Variants in ZDHHC21 observed in about 807,000 individuals in gnomAD.
The protein encoded by ZDHHC21 is palmitoyltransferase ZDHHC21.
In ZDHHC21, 15 loss-of-function variants were observed where a neutral mutation model predicts 34.6. The ratio of observed to expected loss-of-function variants is 0.43; its 90% CI spans 0.29 to 0.67. ZDHHC21 has a LOEUF of 0.67. Ranked by LOEUF, ZDHHC21 falls within the 30% of genes least tolerant of loss-of-function variation. The pLI is 0.14. For synonymous variants in ZDHHC21, 142 were observed against 101.8 expected, an observed-to-expected ratio of 1.40 and a Z score of -2.38; for missense variants, 344 against 327.7, an observed-to-expected ratio of 1.05 and a Z score of -0.38.
chr9:14,673,419 T>C (rs1382027367), intron 4 of ZDHHC21, among the ~76,000 whole-genome samples: 1 of 151,964 alleles, frequency 6.6e-6, no homozygotes, highest in Non-Finnish European at 1.5e-5. Flanking sequence ...AGAAACTTTT[T>C]AATTTTAAAA....
intron 2 of ZDHHC21, among the ~76,000 whole-genome samples, chr9:14,686,524 G>A (rs150034682): frequency 2.6e-3 from 397 of 152,230 alleles, no homozygotes; most frequent in African/African-American, 8.6e-3. Flanking sequence ...ATTTGTGGGG[G>A]GCACAGAACC....
At chr9:14,620,918 G>A (rs921732753) in intron 8 of ZDHHC21, among the ~76,000 whole-genome samples, 5 of 151,950 alleles carry the variant, frequency 3.3e-5, no homozygotes, top group African/African-American at 1.2e-4. Flanking sequence ...ATGGTATCCA[G>A]TGACAATTGT....
At chr9:14,678,042 G>A (rs1171700363) in intron 3 of ZDHHC21, among the ~76,000 whole-genome samples, 3 of 152,022 alleles carry the variant, frequency 2.0e-5, no homozygotes, top group African/African-American at 4.8e-5. Context: ...ACTGTTCGAC[G>A]ATATTCCATC....
At position 14,614,496 on chromosome 9, in the gene ZDHHC21, CAT is replaced by C. The variant is rs1382038028; in HGVS notation, c.*4468_*4469del. Reference sequence around the variant, plus strand: ...AGCAGAAATGCTAAATACTGATTAACATATAGAATTACAACACTGGTTCAAAA... The same window carrying C: ...AGCAGAAATGCTAAATACTGATTAACATAGAATTACAACACTGGTTCAAAA... On this transcript the variant is annotated 3_prime_UTR_variant, in exon 10 of 10. Transcript: ENST00000380916. The C allele has an allele frequency of 6.6e-6, 1 of 151,688 alleles. No individual in the cohort carries two copies. The highest frequency in any genetic ancestry group is 1.9e-4 in the East Asian group (1 of 5,182). 9.4% of individuals were successfully genotyped at this position (151,688 alleles called of 1,614,324 possible). A position where few individuals can be genotyped will look rare whatever the true frequency, so the allele number is the denominator to read the frequency against.
At chr9:14,675,192 G>A (rs985793633) in intron 3 of ZDHHC21, among the ~76,000 whole-genome samples, 1 of 151,586 alleles carries the variant, frequency 6.6e-6, no homozygotes, top group Non-Finnish European at 1.5e-5. Flanking sequence ...AGACACTTAA[G>A]GACTTAAAAT....
the ZDHHC21 span, among the ~76,000 whole-genome samples, chr9:14,599,609 T>C: frequency 1.3e-4 from 20 of 152,072 alleles, no homozygotes; most frequent in Middle Eastern, 0.01. Flanking sequence ...ACAGAATTGT[T>C]CACTCCCCTG....
At chr9:14,608,541 A>G (rs2133350877), downstream of ZDHHC21, among the ~76,000 whole-genome samples, 1 of 152,274 alleles carries the variant, frequency 6.6e-6, no homozygotes, top group African/African-American at 2.4e-5. Flanking sequence ...TTTGATCTTT[A>G]AACAGAGGTG....
At chr9:14,596,216 G>C in the ZDHHC21 span, among the ~76,000 whole-genome samples, 1 of 152,206 alleles carries the variant, frequency 6.6e-6, no homozygotes, top group Non-Finnish European at 1.5e-5. Flanking sequence ...GTAATACAAT[G>C]GAATTTGGCT....
intron 7 of ZDHHC21, 29 bp downstream of exon 7, chr9:14,658,720 C>T (rs1832808557): frequency 6.2e-7 from 1 of 1,605,968 alleles, no homozygotes. Flanking sequence ...ATCCGCCCGC[C>T]TCGGCCTCCC....
intron 7 of ZDHHC21, among the ~76,000 whole-genome samples, chr9:14,655,679 G>T (rs928987250): frequency 7.3e-5 from 11 of 150,904 alleles, no homozygotes; most frequent in Non-Finnish European, 1.3e-4. Context: ...TATAAAAAGA[G>T]TAAAAGAAAA....
chr9:14,690,878 A>G (rs901139579), intron 1 of ZDHHC21, among the ~76,000 whole-genome samples: 1 of 152,188 alleles, frequency 6.6e-6, no homozygotes, highest in African/African-American at 2.4e-5. Flanking sequence ...TTATTTAAGC[A>G]CTGATTATTC....
Position 14,690,726 on chromosome 9 carries a change from T to C in ZDHHC21, c.-224-341A>G, listed in dbSNP as rs965748086. Among the ~76,000 whole-genome samples the C allele has an allele frequency of 3.3e-5, 5 of 152,332 alleles. No homozygotes were observed. The South Asian group carries it at 1.0e-3, about 32-fold the overall frequency. On this transcript the variant is annotated intron_variant, in intron 1 of 9. Transcript: ENST00000380916. ...GTATTTTTGTTCAGGGACCTATCAA[T>C]GAGCACAGTGATGATTCACATGTCT...
chr9:14,597,770 C>T, the ZDHHC21 span, among the ~76,000 whole-genome samples: 2 of 152,124 alleles, frequency 1.3e-5, no homozygotes, highest in African/African-American at 4.8e-5. Flanking sequence ...GCAACACGAG[C>T]CCTGACAACA....
intron 7 of ZDHHC21, among the ~76,000 whole-genome samples, chr9:14,642,918 A>G (rs1829630899): frequency 6.6e-6 from 1 of 151,974 alleles, no homozygotes; most frequent in African/African-American, 2.4e-5. Context: ...AGATAAATTC[A>G]TAAAACACAT....
At chr9:14,649,678 G>T (rs1379567528) in intron 7 of ZDHHC21, among the ~76,000 whole-genome samples, 12 of 152,002 alleles carry the variant, frequency 7.9e-5, no homozygotes. Context: ...TGAGTGTTCA[G>T]AATTATCTAC....
rs1396764684 is a variant in ZDHHC21 at position 14,658,833 on chromosome 9, G to C, written c.420C>G (p.Phe140Leu). 10 of 1,613,176 alleles carry C rather than the reference G, an allele frequency of 6.2e-6. No homozygotes were observed. Among genetic ancestry groups the C allele is most frequent in the Non-Finnish European group, 8.5e-6 (10 of 1,179,582 alleles). ...CGTAGCAAGTAAGAAGTTCAGTGTA[G>C]AAACACAACTGCAGAAAGAGCCAAT... is the stretch of plus-strand genomic sequence containing the variant. ...DNHWLFLQLC[F>L]YTELLTCYAL... Residue 140 changes from phenylalanine to leucine, a missense_variant, in exon 7 of 10, where the codon TTC becomes TTG. Transcript: ENST00000380916.
At chr9:14,672,957 G>T in intron 4 of ZDHHC21, 29 bp from the exon 5 acceptor site, 1 of 1,362,412 alleles carries the variant, frequency 7.3e-7, no homozygotes, top group Non-Finnish European at 1.0e-6. Context: ...AAATAAATTA[G>T]TCACTTACCC....
chr9:14,606,384 A>C (rs112805003), downstream of ZDHHC21, among the ~76,000 whole-genome samples: 7 of 152,280 alleles, frequency 4.6e-5, no homozygotes, highest in African/African-American at 1.2e-4. Context: ...AGTAAGCCCA[A>C]AGTTATATGT....
the ZDHHC21 span, among the ~76,000 whole-genome samples, chr9:14,597,528 C>G: frequency 2.0e-5 from 3 of 152,164 alleles, no homozygotes; most frequent in Non-Finnish European, 4.4e-5. Flanking sequence ...AGCAGAGTCA[C>G]CGCACACCTG....
Sources: allele counts gnomAD v4.1 joint callset (sites outside exome capture counted in the v4.1 genomes callset), GRCh38; gene constraint gnomAD v4.1.1; transcripts MANE v1.5; gene names NCBI Gene and HGNC (gene_info 2026-07-23, HGNC 2026-07-21).